The following GPM6A variants were observed in gnomAD, a reference collection of about 807,000 sequenced individuals.
GPM6A encodes neuronal membrane glycoprotein M6-a.
In GPM6A, 7 loss-of-function variants were observed where a neutral mutation model predicts 32.1. The observed-to-expected ratio is 0.22, with a 90% CI of 0.12 to 0.41. GPM6A has a LOEUF of 0.41. Among genes scored for constraint, GPM6A ranks in the 10% least tolerant of loss-of-function variants. The probability of loss-of-function intolerance (pLI) is 1.00; values close to 1 mark genes in which losing one functional copy is unlikely to be tolerated. For missense variants in GPM6A, 235 were observed against 347.2 expected (o/e 0.68, Z 2.57); for synonymous variants, 130 against 123.4 (o/e 1.05, Z -0.35).
chr4:175,870,346 T>A (rs747442233), intron 1 of GPM6A, among the ~76,000 whole-genome samples: 3 of 152,148 alleles, frequency 2.0e-5, no homozygotes, highest in African/African-American at 7.2e-5. Flanking sequence ...AAGTAAGCTA[T>A]CCTAAGCCCT....
At chr4:175,932,477 C>T (rs926717482) in intron 1 of GPM6A, among the ~76,000 whole-genome samples, 12 of 152,052 alleles carry the variant, frequency 7.9e-5, no homozygotes, top group African/African-American at 2.2e-4. Context: ...TCCGTTACCG[C>T]GAGAAAATAA....
intron 1 of GPM6A, among the ~76,000 whole-genome samples, chr4:175,997,691 A>G: frequency 6.6e-6 from 1 of 152,152 alleles, no homozygotes; most frequent in Admixed American, 6.5e-5. Context: ...AAAAAAAGGT[A>G]TGAGCTCAAG....
chr4:175,934,053 T>C (rs1389126768), intron 1 of GPM6A, among the ~76,000 whole-genome samples: 1 of 152,242 alleles, frequency 6.6e-6, no homozygotes, highest in Admixed American at 6.5e-5. Flanking sequence ...TCCATTTATA[T>C]TAAATTCTAC....
intron 1 of GPM6A, among the ~76,000 whole-genome samples, chr4:175,849,986 G>A (rs531137486): frequency 6.6e-6 from 1 of 152,260 alleles, no homozygotes; most frequent in Admixed American, 6.5e-5. Context: ...GTGACTTGTT[G>A]AGTATGGACG....
chr4:175,663,844 C>T (rs11133110), intron 3 of GPM6A, among the ~76,000 whole-genome samples: 61,962 of 151,540 alleles, frequency 0.41, 15,406 homozygotes, highest in Admixed American at 0.54. Context: ...CAGGCGCCCG[C>T]CACTACGCCC....
chr4:175,714,443 G>A (rs1470351692), intron 1 of GPM6A, among the ~76,000 whole-genome samples: 3 of 151,920 alleles, frequency 2.0e-5, no homozygotes, highest in African/African-American at 7.3e-5. Flanking sequence ...GAGTGCAGTG[G>A]TGTGATCGTA....
chr4:175,900,026 T>C (rs1227792950), intron 1 of GPM6A, among the ~76,000 whole-genome samples: 1 of 152,042 alleles, frequency 6.6e-6, no homozygotes, highest in Non-Finnish European at 1.5e-5. Flanking sequence ...ACACCTGTAA[T>C]CCCAGCACGT....
intron 1 of GPM6A, among the ~76,000 whole-genome samples, chr4:175,854,000 G>A (rs1736342307): frequency 1.3e-5 from 2 of 152,018 alleles, no homozygotes; most frequent in African/African-American, 4.8e-5. Flanking sequence ...TAAAACAAAG[G>A]GACTCCTATA....
chr4:175,747,717 T>A, intron 1 of GPM6A, among the ~76,000 whole-genome samples: 1 of 152,220 alleles, frequency 6.6e-6, no homozygotes, highest in Non-Finnish European at 1.5e-5. Context: ...CGTTCATGGC[T>A]GCTAACAGAT....
chr4:175,792,016 A>G (rs1383132386), intron 1 of GPM6A, among the ~76,000 whole-genome samples: 2 of 152,218 alleles, frequency 1.3e-5, no homozygotes, highest in Non-Finnish European at 2.9e-5. Context: ...AACAGTCATC[A>G]GTAAAATTAG....
At chr4:175,778,101 T>G (rs1342940112) in intron 1 of GPM6A, among the ~76,000 whole-genome samples, 3 of 152,162 alleles carry the variant, frequency 2.0e-5, no homozygotes, top group Admixed American at 2.0e-4. Context: ...CTACAATGCT[T>G]ATTAAAAAAT....
At position 175,936,027 on chromosome 4, in the gene GPM6A, C is replaced by T. The variant is rs1030225735; in HGVS notation, c.-23+66282G>A. ...AAAATAAAAAAAATTAAAAAACGGCCGGGCACGGTGGCTCACGCCTGTAAT... is the reference window on the plus strand; with the variant it reads ...AAAATAAAAAAAATTAAAAAACGGCTGGGCACGGTGGCTCACGCCTGTAAT... On this transcript the variant is annotated intron_variant, in intron 1 of 7. Coordinates refer to the GPM6A transcript ENST00000280187. 9.2e-5 allele frequency among the ~76,000 whole-genome samples: 14 copies of T among 151,490 alleles called. No individual in the cohort carries two copies. The Middle Eastern group carries it at 0.01, about 110-fold the overall frequency.
At chr4:175,940,418 A>G (rs1004234674) in intron 1 of GPM6A, among the ~76,000 whole-genome samples, 10 of 152,174 alleles carry the variant, frequency 6.6e-5, no homozygotes, top group Non-Finnish European at 1.3e-4. Flanking sequence ...TATTTTATTT[A>G]AGAATAGTAA....
At chr4:175,933,704 G>A (rs1469170769) in intron 1 of GPM6A, among the ~76,000 whole-genome samples, 1 of 151,988 alleles carries the variant, frequency 6.6e-6, no homozygotes, top group Non-Finnish European at 1.5e-5. Flanking sequence ...CACCATGCCC[G>A]GCTAATTTTT....
chr4:175,911,826 AGT>A (rs774246161), intron 1 of GPM6A, among the ~76,000 whole-genome samples: 18 of 152,198 alleles, frequency 1.2e-4, no homozygotes, highest in Non-Finnish European at 2.4e-4. Context: ...ATGAAAGAAG[AGT>A]GAGTAAACTT....
intron 2 of GPM6A, among the ~76,000 whole-genome samples, chr4:175,674,765 A>C (rs529626152): frequency 6.6e-6 from 1 of 152,322 alleles, no homozygotes; most frequent in South Asian, 2.1e-4. Flanking sequence ...ATAAACATTG[A>C]CAATGAAGCC....
At position 175,762,929 on chromosome 4, in the gene GPM6A, A is replaced by C. The variant is rs559572494; in HGVS notation, c.37+49262T>G. ...TGGGAGAGAGGGAAGGGAAATGAGG[A>C]ATGACTGCTAATAGGTAGGAGGTTT... is the stretch of plus-strand genomic sequence containing the variant. On this transcript the variant is annotated intron_variant, in intron 1 of 6. Coordinates refer to ENST00000393658, the MANE Select transcript of GPM6A (RefSeq NM_201591.3). Among the ~76,000 whole-genome samples, 8 of 152,266 alleles carry C rather than the reference A, an allele frequency of 5.3e-5. No homozygotes were observed. In the South Asian group the frequency reaches 1.7e-3, roughly 32 times the overall value.
chr4:175,876,889 C>T (rs778701506), intron 1 of GPM6A, among the ~76,000 whole-genome samples: 1 of 152,084 alleles, frequency 6.6e-6, no homozygotes, highest in African/African-American at 2.4e-5. Flanking sequence ...CCAGAAACAA[C>T]AAGATTATAG....
intron 1 of GPM6A, among the ~76,000 whole-genome samples, chr4:175,732,155 C>A (rs1731462085): frequency 6.6e-6 from 1 of 151,724 alleles, no homozygotes; most frequent in Non-Finnish European, 1.5e-5. Flanking sequence ...TTAGTAGAGA[C>A]AGGATTTCAC....
Sources: gnomAD v4.1 joint callset for allele counts (sites outside exome capture counted in the v4.1 genomes callset) on GRCh38, gnomAD v4.1.1 for gene constraint, MANE v1.5 for transcripts, NCBI Gene and HGNC (gene_info 2026-07-23, HGNC 2026-07-21) for gene names.